Variants in DNAH11 observed in about 807,000 individuals in gnomAD.
The protein encoded by DNAH11 is dynein axonemal heavy chain 11.
In DNAH11, 442 loss-of-function variants were observed where a neutral mutation model predicts 526.0. The ratio of observed to expected loss-of-function variants is 0.84; its 90% CI spans 0.78 to 0.91. The LOEUF is 0.91. Among genes scored for constraint, DNAH11 ranks in the 40% least tolerant of loss-of-function variants. DNAH11 has a pLI of 0.00. For missense variants in DNAH11, 6,989 were observed against 5,448.7 expected (o/e 1.28, Z -8.90); for synonymous variants, 2,461 against 1,935.9 (o/e 1.27, Z -7.12).
chr7:21,668,513 G>A (rs957083108), intron 30 of DNAH11, among the ~76,000 whole-genome samples: 1 of 152,118 alleles, frequency 6.6e-6, no homozygotes, highest in Non-Finnish European at 1.5e-5. Context: ...TGGTATTGCT[G>A]TAATAAACTG....
Position 21,619,972 on chromosome 7 carries a change from G to A in DNAH11, c.4394G>A (p.Ser1465Asn). Reference protein sequence around the residue: ...LGTEKVITEISQTWATMKFSY... With the variant: ...LGTEKVITEINQTWATMKFSY... ...GATTACTAGGTTATTACTGAAATCA[G>A]TCAGACCTGGGCAACCATGAAGTTT... The change falls in exon 25 of 82, where the codon AGT (serine) becomes AAT (asparagine). Residue 1465 changes from serine (S) to asparagine (N), a missense_variant. Coordinates refer to ENST00000409508, the MANE Select transcript of DNAH11 (RefSeq NM_001277115.2). The A allele has an allele frequency of 6.2e-7, 1 of 1,602,452 alleles. No homozygotes were observed. The highest frequency in any genetic ancestry group is 8.5e-7 in the Non-Finnish European group (1 of 1,176,196).
At chr7:21,756,148 T>C (rs1786626775) in intron 54 of DNAH11, among the ~76,000 whole-genome samples, 1 of 152,090 alleles carries the variant, frequency 6.6e-6, no homozygotes, top group African/African-American at 2.4e-5. Context: ...TTATAAAAAC[T>C]ATTATTCTGA....
chr7:21,835,045 CT>C (rs1443368670), intron 65 of DNAH11, among the ~76,000 whole-genome samples: 2 of 151,892 alleles, frequency 1.3e-5, no homozygotes, highest in Admixed American at 1.3e-4. Flanking sequence ...CATGTATAAC[CT>C]ATCAAAATTG....
At chr7:21,814,909 CTGGTTATTTGGACACAATACTA>C (rs1390289493) in intron 63 of DNAH11, among the ~76,000 whole-genome samples, 1 of 152,072 alleles carries the variant, frequency 6.6e-6, no homozygotes, top group Admixed American at 6.6e-5. Context: ...AGCTATGCTG[CTGGTTATTTGGACACAATACTA>C]TCGAAACATC....
intron 66 of DNAH11, among the ~76,000 whole-genome samples, chr7:21,846,272 G>A (rs1782414231): frequency 1.3e-5 from 2 of 152,098 alleles, no homozygotes; most frequent in African/African-American, 2.4e-5. Flanking sequence ...ACAATGTTGA[G>A]TAGGAGTGGA....
chr7:21,617,426 C>T (rs16872817), intron 22 of DNAH11, among the ~76,000 whole-genome samples, 193 bp from the exon 23 acceptor site: 1,528 of 152,292 alleles, frequency 0.01, 50 homozygotes, highest in South Asian at 0.061. Flanking sequence ...GTGGCTTGTA[C>T]GGAGTGGGCT....
At chr7:21,873,245 C>A (rs1368000977) in intron 73 of DNAH11, 29 bp from the exon 74 acceptor site, 1 of 1,520,416 alleles carries the variant, frequency 6.6e-7, no homozygotes. Context: ...CTCACCTTCA[C>A]AGGAATTATG....
At chr7:21,900,151 C>G in intron 81 of DNAH11, 31 bp downstream of exon 81, 1 of 1,583,786 alleles carries the variant, frequency 6.3e-7, no homozygotes, top group Non-Finnish European at 8.6e-7. Flanking sequence ...AGTGGGGAAC[C>G]TTTTCTTACT....
At chr7:21,860,060 C>T (rs1189181232) in intron 68 of DNAH11, among the ~76,000 whole-genome samples, 1 of 152,140 alleles carries the variant, frequency 6.6e-6, no homozygotes, top group Non-Finnish European at 1.5e-5. Context: ...GTGGTCTCAG[C>T]TACCCAAGAG....
intron 53 of DNAH11, 86 bp downstream of exon 53, chr7:21,749,887 G>T: frequency 6.3e-7 from 1 of 1,574,916 alleles, no homozygotes; most frequent in South Asian, 1.2e-5. Context: ...GAGAGAATTC[G>T]TCTTTGAGAT....
chr7:21,798,682 A>T (rs535072134), intron 61 of DNAH11, among the ~76,000 whole-genome samples: 81 of 149,448 alleles, frequency 5.4e-4, no homozygotes, highest in Admixed American at 3.4e-3. Flanking sequence ...TGTCTGCTTT[A>T]TTCACCTTCA....
chr7:21,748,494 CAAAT>C, intron 51 of DNAH11, 82 bp from the exon 52 acceptor site: 15 of 1,282,858 alleles, frequency 1.2e-5, no homozygotes, highest in South Asian at 5.9e-5. Flanking sequence ...ATCTCAAAAG[CAAAT>C]AAATAAATAA....
At chr7:21,728,983 T>G (rs553070832) in intron 45 of DNAH11, among the ~76,000 whole-genome samples, 1 of 152,352 alleles carries the variant, frequency 6.6e-6, no homozygotes, top group South Asian at 2.1e-4. Context: ...AGCAGCCCTG[T>G]CCCTGGGGCA....
At chr7:21,854,002 G>C (rs1782736485) in intron 67 of DNAH11, among the ~76,000 whole-genome samples, 1 of 152,174 alleles carries the variant, frequency 6.6e-6, no homozygotes, top group Non-Finnish European at 1.5e-5. Context: ...ATTAAGCCTT[G>C]AAAGAGAGAG....
chr7:21,867,001 C>T (rs184680137), intron 71 of DNAH11, among the ~76,000 whole-genome samples: 84 of 152,268 alleles, frequency 5.5e-4, no homozygotes, highest in African/African-American at 2.0e-3. Flanking sequence ...TAATTTCCAT[C>T]GTTTTCTTTC....
In DNAH11 at chr7:21,717,198, G is replaced by A. The variant is rs530636757; in HGVS notation, c.6984-577G>A. Among the ~76,000 whole-genome samples the A allele has an allele frequency of 4.6e-3, 451 of 97,566 alleles. 4 individuals carry two copies. The highest frequency in any genetic ancestry group is 0.023 in the African/African-American group (431 of 19,032). 64.0% of individuals were successfully genotyped at this position (97,566 alleles called of 152,430 possible). ...CAAATTGATAACATTTTATGTTTCA[G>A]ATTACACACACACACACACACACCC... On this transcript the variant is annotated intron_variant, in intron 42 of 81. Coordinates refer to ENST00000409508, the MANE Select transcript of DNAH11 (RefSeq NM_001277115.2).
At chr7:21,886,707 C>G (rs984179753) in intron 76 of DNAH11, among the ~76,000 whole-genome samples, 4 of 151,928 alleles carry the variant, frequency 2.6e-5, no homozygotes, top group African/African-American at 4.8e-5. Context: ...TTACTGTTGC[C>G]AAATGCAGCA....
intron 60 of DNAH11, 69 bp downstream of exon 60, chr7:21,787,652 T>A (rs936159327): frequency 2.2e-6 from 3 of 1,367,492 alleles, no homozygotes; most frequent in Non-Finnish European, 2.9e-6. Flanking sequence ...AATTTCTAGG[T>A]CAGCGAGAAG....
At position 21,591,562 on chromosome 7, in the gene DNAH11, C is replaced by G. The variant is rs1784690730; in HGVS notation, c.2652C>G (p.Ile884Met). 1 of 1,569,324 alleles carries G rather than the reference C, an allele frequency of 6.4e-7. No homozygotes were observed. Among genetic ancestry groups the G allele is most frequent in the Non-Finnish European group, 8.7e-7 (1 of 1,153,860 alleles). The part of the protein sequence containing the change: ...YKLIQGDGCK[I>M]HNLVEENRKL... ...TAATCCAAGGAGATGGCTGCAAGAT[C>G]CACAACTTGGTCGAGGTAATGGCTT... Residue 884 changes from isoleucine to methionine, a missense_variant, in exon 14 of 82, where the codon ATC becomes ATG. Physicochemically the swap from Ile to Met is conservative, Grantham distance 10. Transcript: ENST00000409508.
Sources: gnomAD v4.1 joint callset for allele counts (sites outside exome capture counted in the v4.1 genomes callset) on GRCh38, gnomAD v4.1.1 for gene constraint, MANE v1.5 for transcripts, NCBI Gene and HGNC (gene_info 2026-07-23, HGNC 2026-07-21) for gene names.